CLMP: variants seen among roughly 807,000 people sequenced by gnomAD.
CLMP encodes the protein CXADR-like membrane protein.
In CLMP, 27 loss-of-function variants were observed where a neutral mutation model predicts 45.2. The observed-to-expected ratio is 0.60, with a 90% CI of 0.44 to 0.82. CLMP has a LOEUF of 0.82. CLMP is among the 40% of genes least tolerant of loss of function. The pLI, the probability that CLMP is intolerant of heterozygous loss-of-function variation, is 0.00. For missense variants in CLMP, 403 were observed against 448.4 expected (o/e 0.90, Z 0.91); for synonymous variants, 167 against 171.4 (o/e 0.97, Z 0.20).
At position 123,164,258 on chromosome 11, in the gene CLMP, G is replaced by A. The variant is rs1011148207; in HGVS notation, c.28+30655C>T. Among the ~76,000 whole-genome samples the A allele has an allele frequency of 3.9e-5, 6 of 152,028 alleles. 1 individual carries two copies. Among genetic ancestry groups the A allele is most frequent in the African/African-American group, 7.3e-5 (3 of 41,360 alleles). On this transcript the variant is annotated intron_variant, in intron 1 of 6. Transcript: ENST00000448775. The stretch of plus-strand genomic sequence containing the variant: ...TGGATTTCCTGGTACCTAAAATAGG[G>A]CCTCACAATTAGTAGGAACTCATTG...
chr11:123,188,751 C>T (rs569251870), intron 1 of CLMP: 2 of 152,270 alleles, frequency 1.3e-5, no homozygotes, highest in Non-Finnish European at 2.9e-5. Context: ...GGTTTCATCT[C>T]GGCTTTCTCC....
At chr11:123,140,589 C>A (rs761003787) in intron 1 of CLMP, among the ~76,000 whole-genome samples, 1 of 152,066 alleles carries the variant, frequency 6.6e-6, no homozygotes, top group East Asian at 1.9e-4. Flanking sequence ...CTCACACTCC[C>A]ACACACAACC....
chr11:123,168,718 G>T (rs1005497093), intron 1 of CLMP, among the ~76,000 whole-genome samples: 1 of 152,192 alleles, frequency 6.6e-6, no homozygotes, highest in Non-Finnish European at 1.5e-5. Context: ...GAATTTACAA[G>T]GTTCAAATGC....
At chr11:123,085,531 G>A (rs1468439771) in intron 2 of CLMP, among the ~76,000 whole-genome samples, 2 of 147,620 alleles carry the variant, frequency 1.4e-5, no homozygotes, top group Non-Finnish European at 3.0e-5. Context: ...TTACAGACAT[G>A]AGCCACCACG....
chr11:123,151,503 A>G (rs540169180), intron 1 of CLMP, among the ~76,000 whole-genome samples: 1 of 152,356 alleles, frequency 6.6e-6, no homozygotes, highest in Admixed American at 6.5e-5. Flanking sequence ...GTCTAACTAC[A>G]GAAGCATTTT....
At chr11:123,186,520 G>C (rs1861836358) in intron 1 of CLMP, among the ~76,000 whole-genome samples, 2 of 150,888 alleles carry the variant, frequency 1.3e-5, no homozygotes, top group Non-Finnish European at 3.0e-5. Flanking sequence ...CAATTTGTGA[G>C]CTTTTTTTTT....
intron 5 of CLMP, among the ~76,000 whole-genome samples, chr11:123,076,762 A>C (rs1865745123): frequency 6.6e-6 from 1 of 152,178 alleles, no homozygotes; most frequent in Admixed American, 6.6e-5. Context: ...GAGCAATAAA[A>C]GAGTAACACA....
At chr11:123,142,621 C>CTTTTT (rs71057336) in intron 1 of CLMP, among the ~76,000 whole-genome samples, 43 of 123,230 alleles carry the variant, frequency 3.5e-4, no homozygotes, top group East Asian at 1.2e-3. Context: ...GATGAGGTTT[C>CTTTTT]TTTTTTTTTT....
intron 1 of CLMP, among the ~76,000 whole-genome samples, chr11:123,143,954 G>A (rs1488683425): frequency 6.6e-6 from 1 of 152,038 alleles, no homozygotes; most frequent in Admixed American, 6.6e-5. Flanking sequence ...GACTACAGGT[G>A]TGCACCACCA....
intron 1 of CLMP, among the ~76,000 whole-genome samples, chr11:123,163,678 T>A (rs566149100): frequency 4.6e-5 from 7 of 152,302 alleles, no homozygotes; most frequent in African/African-American, 1.7e-4. Flanking sequence ...CCTGGCAACT[T>A]ACTAAGTGTA....
In CLMP at chr11:123,090,712, G is replaced by A. The variant is rs947738122; in HGVS notation, c.187-5999C>T. 1.2e-4 allele frequency among the ~76,000 whole-genome samples: 19 copies of A among 152,226 alleles called. No individual in the cohort carries two copies. In the East Asian group the frequency reaches 2.1e-3, roughly 17 times the overall value. On this transcript the variant is annotated intron_variant, in intron 2 of 6. Transcript: ENST00000448775. ...TTTTAAAAATTGTTCAGCCCAATAC[G>A]CAAAGAATACTAATCATTCTGTTCC... is the stretch of plus-strand genomic sequence containing the variant.
intron 1 of CLMP, among the ~76,000 whole-genome samples, chr11:123,185,532 C>A (rs1391678648): frequency 1.3e-5 from 2 of 152,154 alleles, no homozygotes; most frequent in Non-Finnish European, 2.9e-5. Flanking sequence ...AAGGAGGCTG[C>A]GGAGAGGTGG....
At chr11:123,136,428 GCCCTCCTTGTCCCCCCCCACCCCA>G (rs1019678827) in intron 1 of CLMP, 5 of 337,016 alleles carry the variant, frequency 1.5e-5, no homozygotes, top group African/African-American at 8.0e-5. Context: ...CCCCCACCCC[GCCCTCCTTGTCCCCCCCCACCCCA>G]CCCTCCTCTC....
At chr11:123,178,516 C>G (rs1291087097) in intron 1 of CLMP, among the ~76,000 whole-genome samples, 1 of 152,186 alleles carries the variant, frequency 6.6e-6, no homozygotes, top group African/African-American at 2.4e-5. Flanking sequence ...TGAGTTTCAG[C>G]AGTTTGCTCA....
chr11:123,097,869 G>T lies in CLMP; in HGVS notation c.112C>A (p.Gln38Lys). 2.5e-6 allele frequency: 4 copies of T among 1,611,096 alleles called. No individual in the cohort carries two copies. The highest frequency in any genetic ancestry group is 3.4e-6 in the Non-Finnish European group (4 of 1,178,734). ...GTGTCTTTTTCTGGAAGCCCCAGTTGATGGTGGCAGGGCAAAGTGACCTTT... is the reference window on the plus strand; with the variant it reads ...GTGTCTTTTTCTGGAAGCCCCAGTTTATGGTGGCAGGGCAAAGTGACCTTT... ...EEKVTLPCHHQLGLPEKDTLD... is the reference protein window; with the variant it reads ...EEKVTLPCHHKLGLPEKDTLD... The change falls in exon 2 of 7, where the codon CAA (glutamine) becomes AAA (lysine). Residue 38 changes from glutamine (Q) to lysine (K), a missense_variant. Physicochemically the swap from Gln to Lys is moderately conservative, Grantham distance 53. Coordinates refer to ENST00000448775, the MANE Select transcript of CLMP (RefSeq NM_024769.5).
At chr11:123,191,823 T>C (rs1407199598) in intron 1 of CLMP, among the ~76,000 whole-genome samples, 3 of 152,232 alleles carry the variant, frequency 2.0e-5, no homozygotes, top group African/African-American at 7.2e-5. Flanking sequence ...GTACTGAACA[T>C]GGTTCACAGG....
chr11:123,086,615 C>A (rs1865867881), intron 2 of CLMP, among the ~76,000 whole-genome samples: 1 of 152,194 alleles, frequency 6.6e-6, no homozygotes, highest in African/African-American at 2.4e-5. Context: ...GCAGATAATT[C>A]CATGGGGTTC....
intron 1 of CLMP, among the ~76,000 whole-genome samples, chr11:123,135,218 C>A (rs1011302113): frequency 6.8e-6 from 1 of 147,808 alleles, no homozygotes; most frequent in African/African-American, 2.6e-5. Context: ...CAAGACCATG[C>A]CATTGCACTC....
intron 1 of CLMP, chr11:123,136,041 C>T (rs36062001): frequency 0.014 from 8,530 of 589,362 alleles, 486 homozygotes; most frequent in African/African-American, 0.14. Context: ...TTTGTTCGCT[C>T]GTTTCTTCAT....
Sources: allele counts gnomAD v4.1 joint callset (sites outside exome capture counted in the v4.1 genomes callset), GRCh38; gene constraint gnomAD v4.1.1; transcripts MANE v1.5; gene names NCBI Gene and HGNC (gene_info 2026-07-23, HGNC 2026-07-21).